Variants in VAMP4 observed in about 807,000 individuals in gnomAD.
VAMP4 encodes the protein vesicle-associated membrane protein 4.
In VAMP4, 19 loss-of-function variants were observed where a neutral mutation model predicts 23.5. That is an observed-to-expected ratio of 0.81 (90% CI 0.56 to 1.19). The LOEUF is 1.19. Ranked by LOEUF, VAMP4 falls within the 50% of genes most tolerant of loss-of-function variation. The pLI is 0.00. For synonymous variants in VAMP4, 31 were observed against 51.0 expected, an observed-to-expected ratio of 0.61 and a Z score of 1.67; for missense variants, 145 against 168.6, an observed-to-expected ratio of 0.86 and a Z score of 0.78.
rs1654528114 is a variant in VAMP4, at chr1:171,703,425, G to GCA, written c.*1080_*1081insTG. 1.2e-4 allele frequency: 10 copies of GCA among 80,676 alleles called. No individual in the cohort carries two copies. Among genetic ancestry groups the GCA allele is most frequent in the Non-Finnish European group, 1.9e-4 (8 of 41,932 alleles). 5.0% of individuals were successfully genotyped at this position (80,676 alleles called of 1,614,324 possible). ...TGTGTGTGTGTGTGTGTGTTTGTGT[G>GCA]TATATATATATATATATATATATAT... On this transcript the variant is annotated 3_prime_UTR_variant, in exon 8 of 8. Coordinates refer to ENST00000236192, the MANE Select transcript of VAMP4 (RefSeq NM_003762.5).
chr1:171,710,025 T>G (rs558334043), intron 5 of VAMP4, among the ~76,000 whole-genome samples: 1 of 152,138 alleles, frequency 6.6e-6, no homozygotes, highest in South Asian at 2.1e-4. Context: ...TGCTTATAAA[T>G]AAACTTAGGA....
At chr1:171,707,119 C>G (rs1654682163) in intron 6 of VAMP4, among the ~76,000 whole-genome samples, 2 of 152,092 alleles carry the variant, frequency 1.3e-5, no homozygotes, top group Non-Finnish European at 2.9e-5. Context: ...TCATGCAAGT[C>G]CAAAGCTCTC....
chr1:171,728,886 T>C (rs1380387400), intron 2 of VAMP4, among the ~76,000 whole-genome samples: 1 of 152,234 alleles, frequency 6.6e-6, no homozygotes, highest in Non-Finnish European at 1.5e-5. Flanking sequence ...TCCTTCTGAC[T>C]GCCAGTGTCT....
Position 171,736,648 on chromosome 1 carries a change from A to AAAAACAAAAC in VAMP4, c.66+1691_66+1700dup, listed in dbSNP as rs59682689. Among the ~76,000 whole-genome samples the AAAAACAAAAC allele has an allele frequency of 2.4e-3, 361 of 150,080 alleles. 2 individuals are homozygous for AAAAACAAAAC. Among genetic ancestry groups the AAAAACAAAAC allele is most frequent in the African/African-American group, 8.0e-3 (325 of 40,576 alleles). ...ATTGGTGGATTCTATTTCCCCATTA[A>AAAAACAAAAC]AAAACAAAACAAAACAAAACAAAAC... On this transcript the variant is annotated intron_variant, in intron 2 of 7. Transcript: ENST00000236192.
intron 3 of VAMP4, among the ~76,000 whole-genome samples, chr1:171,721,667 G>A (rs908597449): frequency 8.5e-5 from 13 of 152,220 alleles, no homozygotes; most frequent in African/African-American, 2.9e-4. Context: ...GCTTCAAAGA[G>A]AATAAAATAC....
intron 6 of VAMP4, 80 bp from the exon 7 acceptor site, chr1:171,706,498 A>T (rs1654657109): frequency 1.5e-6 from 2 of 1,294,250 alleles, no homozygotes; most frequent in African/African-American, 1.5e-5. Context: ...TATTTACTGC[A>T]TCATACTAAA....
At chr1:171,721,097 A>G (rs767824756) in intron 3 of VAMP4, among the ~76,000 whole-genome samples, 1 of 152,160 alleles carries the variant, frequency 6.6e-6, no homozygotes, top group East Asian at 1.9e-4. Context: ...ACAAAATCCA[A>G]CGTCAGCTAA....
At position 171,710,735 on chromosome 1, in the gene VAMP4, C is replaced by T. The variant is rs1469491171; in HGVS notation, c.244G>A (p.Asp82Asn). Residue 82 changes from aspartate (D) to asparagine (N), a missense_variant, in exon 5 of 8, where the codon GAT (aspartate) becomes AAT (asparagine). By Grantham distance (23) the Asp-to-Asn change is conservative. Transcript: ENST00000236192. ...GTACCTGATTTGTCCTGTAGTTCATCTAGTCTCTCCCCTCTCTCAATTACC... is the reference window on the plus strand; with the variant it reads ...GTACCTGATTTGTCCTGTAGTTCATTTAGTCTCTCCCCTCTCTCAATTACC... Reference protein sequence around the residue: ...TKVIERGERLDELQDKSESLS... With the variant: ...TKVIERGERLNELQDKSESLS... 1.9e-6 allele frequency: 3 copies of T among 1,607,934 alleles called. No individual in the cohort carries two copies. In the Admixed American group the frequency reaches 5.1e-5, roughly 27 times the overall value.
chr1:171,728,834 G>A (rs1655459917), intron 2 of VAMP4, among the ~76,000 whole-genome samples: 4 of 152,202 alleles, frequency 2.6e-5, no homozygotes. Context: ...GTATGGGAGT[G>A]AGGAACTGCA....
chr1:171,711,469 T>A (rs1363449949), intron 4 of VAMP4, among the ~76,000 whole-genome samples: 3 of 152,118 alleles, frequency 2.0e-5, no homozygotes, highest in African/African-American at 7.2e-5. Context: ...AAAATTGTTT[T>A]CTGTTTTTCG....
chr1:171,730,986 C>T (rs1026271118), intron 2 of VAMP4, among the ~76,000 whole-genome samples: 7 of 150,878 alleles, frequency 4.6e-5, no homozygotes, highest in Non-Finnish European at 7.4e-5. Context: ...GGGTGGATCA[C>T]GAGGTTAGGA....
At chr1:171,704,909 T>C (rs1654602629) in intron 7 of VAMP4, among the ~76,000 whole-genome samples, 1 of 151,972 alleles carries the variant, frequency 6.6e-6, no homozygotes, top group South Asian at 2.1e-4. Flanking sequence ...GAAGTATATA[T>C]AATAGTTATA....
At chr1:171,735,110 T>C (rs1009617536) in intron 2 of VAMP4, among the ~76,000 whole-genome samples, 2 of 152,178 alleles carry the variant, frequency 1.3e-5, no homozygotes, top group African/African-American at 4.8e-5. Flanking sequence ...TCCTAGTATA[T>C]CACGCCTGGA....
chr1:171,729,260 T>C (rs1655481395), intron 2 of VAMP4, among the ~76,000 whole-genome samples: 1 of 152,186 alleles, frequency 6.6e-6, no homozygotes, highest in South Asian at 2.1e-4. Context: ...TCCCTTATCC[T>C]AAATGCTTGG....
At chr1:171,733,479 T>C (rs1655629919) in intron 2 of VAMP4, among the ~76,000 whole-genome samples, 1 of 151,850 alleles carries the variant, frequency 6.6e-6, no homozygotes, top group African/African-American at 2.4e-5. Flanking sequence ...ATGATAATAG[T>C]AATAGTAATA....
intron 4 of VAMP4, 115 bp from the exon 5 acceptor site, chr1:171,710,929 T>C (rs1654829418): frequency 2.8e-6 from 2 of 719,922 alleles, no homozygotes; most frequent in Non-Finnish European, 2.2e-6. Flanking sequence ...TATTCAACTA[T>C]AAAATTTAAA....
rs1019383264 is a variant in VAMP4 at position 171,709,238 on chromosome 1, G to A, written c.345+427C>T. Among the ~76,000 whole-genome samples the A allele has an allele frequency of 6.6e-5, 10 of 151,766 alleles. No homozygotes were observed. In the East Asian group the frequency reaches 7.7e-4, roughly 12 times the overall value. Reference sequence around the variant, plus strand: ...TAACTCCATTTGTCTTAACAGATTCGGATATGTAAGCTTTTATTTTTTACC... The same window carrying A: ...TAACTCCATTTGTCTTAACAGATTCAGATATGTAAGCTTTTATTTTTTACC... On this transcript the variant is annotated intron_variant, in intron 6 of 7. Coordinates refer to ENST00000236192, the MANE Select transcript of VAMP4 (RefSeq NM_003762.5).
intron 2 of VAMP4, among the ~76,000 whole-genome samples, chr1:171,730,827 A>T (rs765623289): frequency 1.3e-5 from 2 of 152,140 alleles, no homozygotes; most frequent in African/African-American, 2.4e-5. Flanking sequence ...GGCATAAGGG[A>T]AAAGGAAAAT....
intron 1 of VAMP4, among the ~76,000 whole-genome samples, chr1:171,741,041 C>CA (rs1256791745): frequency 6.6e-5 from 10 of 152,096 alleles, no homozygotes; most frequent in Non-Finnish European, 1.5e-4. Context: ...ATTTCTCCTA[C>CA]AAAAAAAGAC....
Sources: gnomAD v4.1 joint callset for allele counts (sites outside exome capture counted in the v4.1 genomes callset) on GRCh38, gnomAD v4.1.1 for gene constraint, MANE v1.5 for transcripts, NCBI Gene and HGNC (gene_info 2026-07-23, HGNC 2026-07-21) for gene names.